MAK: variants seen among roughly 807,000 people sequenced by gnomAD.
The protein encoded by MAK is serine/threonine-protein kinase MAK.
In MAK, 65 loss-of-function variants were observed where a neutral mutation model predicts 82.6. The observed-to-expected ratio is 0.79, with a 90% CI of 0.64 to 0.97. The LOEUF is 0.97. MAK is among the 50% of genes least tolerant of loss of function. The pLI, the probability that MAK is intolerant of heterozygous loss-of-function variation, is 0.00. For missense variants in MAK, 703 were observed against 780.2 expected, an observed-to-expected ratio of 0.90 and a Z score of 1.18; for synonymous variants, 250 against 274.2, an observed-to-expected ratio of 0.91 and a Z score of 0.87.
Position 10,830,705 on chromosome 6 carries a change from A to G in MAK, c.-57T>C. On this transcript the variant is annotated 5_prime_UTR_variant, in exon 2 of 15. Coordinates refer to ENST00000354489, the MANE Select transcript of MAK (RefSeq NM_001242957.3). ...TTGAAATGACTTCCTTGTTGAATAT[A>G]AATTTGAACGCTTCTTAATTTTTAT... 7.6e-7 allele frequency: 1 copy of G among 1,321,084 alleles called. No homozygotes were observed. The highest frequency in any genetic ancestry group is 2.3e-5 in the East Asian group (1 of 43,422). 81.8% of individuals were successfully genotyped at this position (1,321,084 alleles called of 1,614,324 possible). A position where few individuals can be genotyped will look rare whatever the true frequency, so the allele number is the denominator to read the frequency against.
intron 14 of MAK, among the ~76,000 whole-genome samples, chr6:10,767,388 GGGT>G (rs1370376060): frequency 6.6e-6 from 1 of 152,170 alleles, no homozygotes; most frequent in African/African-American, 2.4e-5. Context: ...TGATCCTAAA[GGGT>G]GCTGTGTAGA....
chr6:10,774,541 C>G (rs1271209819), intron 12 of MAK, among the ~76,000 whole-genome samples: 1 of 152,078 alleles, frequency 6.6e-6, no homozygotes, highest in Non-Finnish European at 1.5e-5. Flanking sequence ...TTTGTGATAG[C>G]TTTGCCACTC....
chr6:10,789,436 C>T (rs771333373), intron 10 of MAK, among the ~76,000 whole-genome samples: 7 of 152,086 alleles, frequency 4.6e-5, no homozygotes, highest in Non-Finnish European at 7.4e-5. Flanking sequence ...GCCCCCATTA[C>T]GTGTGGGGGA....
Position 10,784,472 on chromosome 6 carries a change from C to T in MAK, c.1417G>A (p.Ala473Thr), listed in dbSNP as rs369794041. ...SLKSDSELST[A>T]PTSKQYYLKQ... ...AAGTAGTACTGTTTAGAGGTTGGAG[C>T]AGTTGACAATTCGGAATCAGATTTT... The change falls in exon 11 of 15, where the codon GCT (alanine) becomes ACT (threonine). Residue 473 changes from alanine (A) to threonine (T), a missense_variant. Physicochemically the swap from Ala to Thr is moderately conservative, Grantham distance 58. Transcript: ENST00000354489. The T allele has an allele frequency of 1.2e-6, 2 of 1,614,030 alleles. No homozygotes were observed. Among genetic ancestry groups the T allele is most frequent in the African/African-American group, 2.7e-5 (2 of 74,916 alleles).
chr6:10,780,260 G>C, intron 11 of MAK: 1 of 983,048 alleles, frequency 1.0e-6, no homozygotes, highest in Non-Finnish European at 1.2e-6. Context: ...GACTTTGTTA[G>C]ATTTCTAGTT....
intron 6 of MAK, 77 bp downstream of exon 6, chr6:10,808,733 G>C: frequency 7.2e-7 from 1 of 1,387,078 alleles, no homozygotes; most frequent in Admixed American, 1.7e-5. Context: ...GGAACTTCCA[G>C]AAATATGTAA....
chr6:10,790,814 G>A (rs900393044), intron 10 of MAK, among the ~76,000 whole-genome samples: 1 of 152,200 alleles, frequency 6.6e-6, no homozygotes, highest in Non-Finnish European at 1.5e-5. Context: ...GTGGGGCCTG[G>A]CGGGAGGTGT....
intron 11 of MAK, among the ~76,000 whole-genome samples, chr6:10,778,339 C>CAA (rs1383677314): frequency 6.6e-6 from 1 of 152,068 alleles, no homozygotes. Context: ...GTGGAGGGGG[C>CAA]AAATAACAGA....
At chr6:10,806,802 C>T (rs1776499281) in intron 6 of MAK, among the ~76,000 whole-genome samples, 1 of 152,128 alleles carries the variant, frequency 6.6e-6, no homozygotes, top group Admixed American at 6.6e-5. Flanking sequence ...TGACCTTCTC[C>T]ACCATGTTTT....
rs540714247 is a variant in MAK at position 10,800,460 on chromosome 6, G to A, written c.831+1432C>T. Among the ~76,000 whole-genome samples, 5 of 150,066 alleles carry A rather than the reference G, an allele frequency of 3.3e-5. No homozygotes were observed. The highest frequency in any genetic ancestry group is 7.5e-5 in the African/African-American group (3 of 40,190). ...GGTTTCTTCTATTATTTTTATACCC[G>A]TGTTTTTTCACCTTGAGATCAAATA... On this transcript the variant is annotated intron_variant, in intron 8 of 14. Coordinates refer to ENST00000354489, the MANE Select transcript of MAK (RefSeq NM_001242957.3). This position sits in a 1 kb window ranked among gnomAD's most constrained non-coding sequence, Gnocchi z 4.2.
In MAK at chr6:10,817,734, T is replaced by C. The variant is rs1028418708; in HGVS notation, c.278+116A>G. 6.0e-6 allele frequency: 5 copies of C among 829,698 alleles called. No homozygotes were observed. The African/African-American group carries it at 6.9e-5, about 11-fold the overall frequency. 51.4% of individuals were successfully genotyped at this position (829,698 alleles called of 1,614,324 possible). A position where few individuals can be genotyped will look rare whatever the true frequency, so the allele number is the denominator to read the frequency against. On this transcript the variant is annotated intron_variant, in intron 4 of 14. Coordinates refer to ENST00000354489, the MANE Select transcript of MAK (RefSeq NM_001242957.3). ...CTTTGATAAAGGTAACAGAACTGGTTAATTTAAATTTACCTTTTGGAGCAA... is the reference window on the plus strand; with the variant it reads ...CTTTGATAAAGGTAACAGAACTGGTCAATTTAAATTTACCTTTTGGAGCAA...
intron 13 of MAK, among the ~76,000 whole-genome samples, 198 bp from the exon 14 acceptor site, chr6:10,770,428 G>T (rs544854751): frequency 6.6e-6 from 1 of 152,024 alleles, no homozygotes; most frequent in Non-Finnish European, 1.5e-5. Flanking sequence ...TATCCATATC[G>T]TGTGGCTCTC....
In MAK at chr6:10,764,000, A is replaced by C. The variant is rs1416995093; in HGVS notation, c.*452T>G. ...CAAATAAGAACCACAGCTGACAGCC[A>C]GCAAAGGTTGGCCCAACTGCTGTAC... On this transcript the variant is annotated 3_prime_UTR_variant, in exon 15 of 15. Transcript: ENST00000354489. The C allele has an allele frequency of 6.3e-6, 1 of 159,082 alleles. No individual in the cohort carries two copies. Among genetic ancestry groups the C allele is most frequent in the Non-Finnish European group, 1.4e-5 (1 of 72,578 alleles). The allele number at this position is 159,082 out of a possible 1,614,324, so 9.9% of individuals were successfully genotyped here. A position where few individuals can be genotyped will look rare whatever the true frequency, so the allele number is the denominator to read the frequency against.
chr6:10,823,351 A>G (rs781253491), intron 2 of MAK, among the ~76,000 whole-genome samples: 3 of 152,118 alleles, frequency 2.0e-5, no homozygotes, highest in Admixed American at 6.6e-5. Flanking sequence ...TCTAATTCCA[A>G]TAGAAACCCC....
intron 11 of MAK, chr6:10,780,280 A>G (rs890636098): frequency 1.1e-4 from 104 of 980,900 alleles, no homozygotes; most frequent in Non-Finnish European, 1.2e-4. Flanking sequence ...TAAAAAGGAA[A>G]TGATCAAACA....
chr6:10,786,170 G>A (rs190947863), intron 10 of MAK, among the ~76,000 whole-genome samples: 44 of 152,260 alleles, frequency 2.9e-4, no homozygotes, highest in African/African-American at 7.7e-4. Context: ...ACTTGAACCC[G>A]GGAGGCAGAG....
At chr6:10,770,617 GTC>G (rs1249082225) in intron 13 of MAK, among the ~76,000 whole-genome samples, 1 of 152,162 alleles carries the variant, frequency 6.6e-6, no homozygotes, top group African/African-American at 2.4e-5. Flanking sequence ...TGCTCTCTGT[GTC>G]TGTCTTCATT....
chr6:10,807,186 C>T (rs1358700974), intron 6 of MAK, among the ~76,000 whole-genome samples: 1 of 152,054 alleles, frequency 6.6e-6, no homozygotes, highest in Non-Finnish European at 1.5e-5. Context: ...AAAAAAAATC[C>T]TGCTGGCCCT....
intron 2 of MAK, among the ~76,000 whole-genome samples, chr6:10,820,327 T>G (rs1416579798): frequency 6.6e-6 from 1 of 152,076 alleles, no homozygotes; most frequent in East Asian, 1.9e-4. Context: ...AGAGGCTCTA[T>G]GGGGGTATAA....
Sources: allele counts gnomAD v4.1 joint callset (sites outside exome capture counted in the v4.1 genomes callset), GRCh38; gene constraint gnomAD v4.1.1; non-coding constraint Gnocchi (gnomAD v3.1); transcripts MANE v1.5; gene names NCBI Gene and HGNC (gene_info 2026-07-23, HGNC 2026-07-21).